The following HACD2 variants were observed in gnomAD, a reference collection of about 807,000 sequenced individuals.
HACD2 encodes the protein 3-hydroxyacyl-CoA dehydratase 2.
A neutral mutation model predicts 31.0 loss-of-function variants in HACD2; 15 were observed. The ratio of observed to expected loss-of-function variants is 0.48; its 90% CI spans 0.32 to 0.75. The LOEUF (loss-of-function observed/expected upper bound fraction) is 0.75, where lower values mean the gene tolerates loss of function less well. HACD2 is among the 30% of genes least tolerant of loss of function. HACD2 has a pLI of 0.03. For missense variants in HACD2, 283 were observed against 313.0 expected (o/e 0.90, Z 0.72); for synonymous variants, 115 against 122.2 (o/e 0.94, Z 0.39).
At chr3:123,498,020 T>C (rs2055855540) in intron 6 of HACD2, among the ~76,000 whole-genome samples, 1 of 152,226 alleles carries the variant, frequency 6.6e-6, no homozygotes, top group Admixed American at 6.5e-5. Context: ...CTTTGGAAAG[T>C]TGGAAATGTG....
chr3:123,567,831 T>C, intron 2 of HACD2, 51 bp from the exon 3 acceptor site: 1 of 1,238,878 alleles, frequency 8.1e-7, no homozygotes, highest in Non-Finnish European at 1.1e-6. Context: ...ATCAAGATAT[T>C]AAAGTTTTAT....
At chr3:123,584,171 G>GT in intron 1 of HACD2, among the ~76,000 whole-genome samples, 1 of 152,174 alleles carries the variant, frequency 6.6e-6, no homozygotes, top group East Asian at 1.9e-4. Flanking sequence ...CACACAGCTA[G>GT]TTAGTGGCAG....
chr3:123,573,301 T>C (rs894576555), intron 2 of HACD2, among the ~76,000 whole-genome samples: 2 of 152,238 alleles, frequency 1.3e-5, no homozygotes, highest in African/African-American at 2.4e-5. Flanking sequence ...GAATTTTTTC[T>C]ACAATGAATA....
intron 4 of HACD2, among the ~76,000 whole-genome samples, chr3:123,521,926 A>G (rs763349099): frequency 9.2e-5 from 14 of 152,154 alleles, no homozygotes; most frequent in Non-Finnish European, 2.1e-4. Context: ...TACATTTTAA[A>G]CAACAACTGA....
intron 4 of HACD2, among the ~76,000 whole-genome samples, chr3:123,524,772 C>T (rs1034540476): frequency 1.3e-5 from 2 of 152,060 alleles, no homozygotes; most frequent in African/African-American, 4.8e-5. Context: ...CAGGTGTGAG[C>T]CACTGTGCCC....
At chr3:123,563,793 G>A (rs976472676) in intron 3 of HACD2, among the ~76,000 whole-genome samples, 7 of 152,154 alleles carry the variant, frequency 4.6e-5, no homozygotes, top group Non-Finnish European at 1.0e-4. Context: ...AACAAAGACA[G>A]GAAACCTTCT....
chr3:123,518,822 C>A (rs1238764786), intron 4 of HACD2, among the ~76,000 whole-genome samples: 1 of 151,762 alleles, frequency 6.6e-6, no homozygotes, highest in Non-Finnish European at 1.5e-5. Context: ...ATGGTGAAAC[C>A]CCATCTCTAC....
intron 4 of HACD2, among the ~76,000 whole-genome samples, chr3:123,521,387 G>A (rs988649946): frequency 1.3e-5 from 2 of 152,086 alleles, no homozygotes; most frequent in Admixed American, 1.3e-4. Flanking sequence ...GGTAGGCTAG[G>A]GCAGGGACAG....
chr3:123,563,318 G>T (rs1469035379), intron 3 of HACD2, among the ~76,000 whole-genome samples: 1 of 152,208 alleles, frequency 6.6e-6, no homozygotes, highest in Non-Finnish European at 1.5e-5. Flanking sequence ...GCCAGCTGAA[G>T]GGGCTGGGCT....
At chr3:123,583,365 G>A (rs1480718816) in intron 1 of HACD2, among the ~76,000 whole-genome samples, 4 of 151,998 alleles carry the variant, frequency 2.6e-5, no homozygotes, top group Admixed American at 6.6e-5. Flanking sequence ...TGCCCTCACC[G>A]GCTCTTGCTA....
chr3:123,558,189 T>C (rs2056692021), intron 3 of HACD2, among the ~76,000 whole-genome samples: 1 of 152,226 alleles, frequency 6.6e-6, no homozygotes, highest in African/African-American at 2.4e-5. Context: ...GGCTGCATAC[T>C]GTATGACATT....
intron 2 of HACD2, among the ~76,000 whole-genome samples, chr3:123,575,010 A>T (rs775034936): frequency 2.0e-5 from 3 of 152,156 alleles, no homozygotes; most frequent in Non-Finnish European, 4.4e-5. Context: ...GGGATTCCAC[A>T]TGATCACACT....
intron 5 of HACD2, among the ~76,000 whole-genome samples, chr3:123,501,393 T>C (rs761655978): frequency 7.2e-5 from 11 of 152,332 alleles, no homozygotes; most frequent in Non-Finnish European, 1.2e-4. Context: ...CACTGTCCCA[T>C]GGAACTGTAA....
At chr3:123,558,989 C>A (rs191401102) in intron 3 of HACD2, among the ~76,000 whole-genome samples, 3 of 152,290 alleles carry the variant, frequency 2.0e-5, no homozygotes, top group Admixed American at 2.0e-4. Flanking sequence ...TTAAAGGTAT[C>A]TTATGCTTTA....
intron 3 of HACD2, among the ~76,000 whole-genome samples, chr3:123,538,390 T>C (rs1426068221): frequency 6.6e-6 from 1 of 152,192 alleles, no homozygotes; most frequent in Admixed American, 6.5e-5. Flanking sequence ...ATTTTCTTTG[T>C]GCTAAAAGGA....
At chr3:123,502,750 C>A in intron 4 of HACD2, 69 bp from the exon 5 acceptor site, 1 of 1,510,434 alleles carries the variant, frequency 6.6e-7, no homozygotes, top group Non-Finnish European at 8.9e-7. Context: ...GTGCAGCACC[C>A]GGCAGAGCCA....
At chr3:123,521,905 T>C (rs556265029) in intron 4 of HACD2, among the ~76,000 whole-genome samples, 22 of 151,968 alleles carry the variant, frequency 1.4e-4, no homozygotes, top group South Asian at 4.2e-4. Flanking sequence ...TAAATCATCA[T>C]CAGGGGATAT....
intron 2 of HACD2, among the ~76,000 whole-genome samples, chr3:123,579,628 C>G (rs2056944533): frequency 6.6e-6 from 1 of 152,086 alleles, no homozygotes; most frequent in Non-Finnish European, 1.5e-5. Context: ...ATTATGATGT[C>G]TTAAAGAGAT....
At chr3:123,583,129 T>C (rs954138459) in intron 1 of HACD2, among the ~76,000 whole-genome samples, 1 of 152,146 alleles carries the variant, frequency 6.6e-6, no homozygotes. Context: ...AACTATCACA[T>C]AAGGACATCA....
Sources: gnomAD v4.1 joint callset for allele counts (sites outside exome capture counted in the v4.1 genomes callset) on GRCh38, gnomAD v4.1.1 for gene constraint, MANE v1.5 for transcripts, NCBI Gene and HGNC (gene_info 2026-07-23, HGNC 2026-07-21) for gene names.